Variants in MYO18B observed in about 807,000 individuals in gnomAD.
MYO18B encodes unconventional myosin-XVIIIb.
A neutral mutation model predicts 273.0 loss-of-function variants in MYO18B; 204 were observed. The observed-to-expected ratio is 0.75, with a 90% confidence interval of 0.67 to 0.84. The LOEUF is 0.84. Among genes scored for constraint, MYO18B ranks in the 40% least tolerant of loss-of-function variants. MYO18B has a pLI of 0.00. For missense variants in MYO18B, 3,212 were observed against 3,287.6 expected, an observed-to-expected ratio of 0.98 and a Z score of 0.56; for synonymous variants, 1,330 against 1,305.7, an observed-to-expected ratio of 1.02 and a Z score of -0.40.
chr22:25,777,767 A>T lies in MYO18B; in HGVS notation c.2054A>T (p.Asp685Val). ...EHLVGMAGSV[D>V]GRVSVEKIRA... ...CTGGTGGGGATGGCAGGCAGTGTGG[A>T]TGGCAGGGTCTCAGGTATGGTGGTC... Residue 685 changes from aspartate (D) to valine (V), a missense_variant, in exon 8 of 44, where the codon GAT (aspartate) becomes GTT (valine). Coordinates refer to ENST00000335473, the MANE Select transcript of MYO18B (RefSeq NM_032608.7). 2 of 1,602,088 alleles carry T rather than the reference A, an allele frequency of 1.2e-6. No individual in the cohort carries two copies. The highest frequency in any genetic ancestry group is 1.7e-4 in the Middle Eastern group (1 of 6,000).
At chr22:25,930,737 G>A (rs1045840514) in intron 34 of MYO18B, among the ~76,000 whole-genome samples, 1 of 152,070 alleles carries the variant, frequency 6.6e-6, no homozygotes, top group African/African-American at 2.4e-5. Flanking sequence ...GCGTCCCAAA[G>A]TGCAGGGACT....
rs1555985067 is a variant in MYO18B at position 25,997,970 on chromosome 22, C to CAA, written c.6288-5294_6288-5293insAA. Among the ~76,000 whole-genome samples, 150 of 124,736 alleles carry CAA rather than the reference C, an allele frequency of 1.2e-3. 1 individual carries two copies. Among genetic ancestry groups the CAA allele is most frequent in the Non-Finnish European group, 1.7e-3 (92 of 55,400 alleles). The allele number at this position is 124,736 out of a possible 152,430, so 81.8% of individuals were successfully genotyped here. On this transcript the variant is annotated intron_variant, in intron 40 of 43. Coordinates refer to ENST00000335473, the MANE Select transcript of MYO18B (RefSeq NM_032608.7). ...ACACACACACACAAACACACACACACACACACACGAGAGAGAGAGAGAGAG... is the reference window on the plus strand; with the variant it reads ...ACACACACACACAAACACACACACACAAACACACACGAGAGAGAGAGAGAGAG...
chr22:25,891,369 G>A lies in MYO18B; in HGVS notation c.4500G>A (p.Gln1500=), dbSNP rs141679204. Residue 1500 remains glutamine (Q), a synonymous_variant, in exon 27 of 44, where the codon CAG becomes CAA. Coordinates refer to ENST00000335473, the MANE Select transcript of MYO18B (RefSeq NM_032608.7). Reference sequence around the variant, plus strand: ...ATAAACAGTTGGAAGAAGCCCAGCAGAAAATTCAGTTGAATGACTTGGAAA... The same window carrying A: ...ATAAACAGTTGGAAGAAGCCCAGCAAAAAATTCAGTTGAATGACTTGGAAA... ...DVNKQLEEAQ[Q]KIQLNDLERN... 51 of 1,586,502 alleles carry A rather than the reference G, an allele frequency of 3.2e-5. No homozygotes were observed. In the East Asian group the frequency reaches 1.2e-3, roughly 36 times the overall value.
chr22:25,770,040 C>A (rs57951360), intron 4 of MYO18B, 70 bp from the exon 5 acceptor site: 4 of 1,487,420 alleles, frequency 2.7e-6, no homozygotes, highest in South Asian at 1.1e-5. Context: ...CTGTGAGAAA[C>A]CCCCGTGTAA....
intron 13 of MYO18B, among the ~76,000 whole-genome samples, chr22:25,825,959 A>AT (rs1337674285): frequency 6.6e-6 from 1 of 152,210 alleles, no homozygotes; most frequent in Non-Finnish European, 1.5e-5. Flanking sequence ...GACACTGGCA[A>AT]TTTAAAGGTC....
intron 25 of MYO18B, among the ~76,000 whole-genome samples, chr22:25,890,423 CTTACTA>C (rs1271024115): frequency 6.6e-6 from 1 of 152,218 alleles, no homozygotes; most frequent in Non-Finnish European, 1.5e-5. Context: ...AAACTGAGCA[CTTACTA>C]CGTGCCAGGC....
At chr22:25,987,052 G>C (rs969290081) in intron 39 of MYO18B, among the ~76,000 whole-genome samples, 1 of 152,158 alleles carries the variant, frequency 6.6e-6, no homozygotes, top group African/African-American at 2.4e-5. Context: ...CTGATCTATA[G>C]TGTAAATTGT....
chr22:25,773,525 A>G (rs2086801668), intron 7 of MYO18B, among the ~76,000 whole-genome samples: 1 of 152,068 alleles, frequency 6.6e-6, no homozygotes, highest in East Asian at 1.9e-4. Flanking sequence ...GTGCAGTGGC[A>G]CGATCTCGGC....
At chr22:25,967,690 CAA>C (rs2092994345) in intron 39 of MYO18B, among the ~76,000 whole-genome samples, 2 of 152,046 alleles carry the variant, frequency 1.3e-5, no homozygotes, top group African/African-American at 4.8e-5. Flanking sequence ...GTGACGGAAA[CAA>C]AATTAAATTG....
rs2086844119 is a variant in MYO18B, at chr22:25,774,549, C to T, written c.1869+2039C>T. Among the ~76,000 whole-genome samples the T allele has an allele frequency of 3.3e-5, 5 of 152,334 alleles. No homozygotes were observed. The South Asian group carries it at 1.0e-3, about 32-fold the overall frequency. On this transcript the variant is annotated intron_variant, in intron 7 of 43. Coordinates refer to ENST00000335473, the MANE Select transcript of MYO18B (RefSeq NM_032608.7). ...TTGGTACGCACTCTGAAGGTAGATC[C>T]CCCTACTTCCCTTCCTAACCCTGGG...
chr22:25,908,262 T>G, intron 31 of MYO18B, 60 bp from the exon 32 acceptor site: 2 of 1,318,592 alleles, frequency 1.5e-6, no homozygotes, highest in Non-Finnish European at 2.1e-6. Flanking sequence ...AAGGATGACA[T>G]GGAGGGCTTG....
chr22:26,006,964 T>C (rs543818224), intron 42 of MYO18B, among the ~76,000 whole-genome samples: 8 of 152,344 alleles, frequency 5.3e-5, no homozygotes, highest in South Asian at 2.1e-4. Context: ...ATAGATGGTC[T>C]TACAGCTCCT....
At chr22:25,932,447 C>T (rs550274753) in intron 34 of MYO18B, among the ~76,000 whole-genome samples, 19 of 139,902 alleles carry the variant, frequency 1.4e-4, no homozygotes, top group South Asian at 1.3e-3. Context: ...TTGCTCTTGT[C>T]GCCCAGGCTG....
intron 12 of MYO18B, among the ~76,000 whole-genome samples, chr22:25,816,739 A>G (rs781599289): frequency 2.0e-5 from 3 of 152,168 alleles, no homozygotes; most frequent in Admixed American, 2.0e-4. Context: ...TGACTTTGCC[A>G]ACATCACGCG....
chr22:25,966,048 T>C (rs2092974227), intron 39 of MYO18B, among the ~76,000 whole-genome samples: 1 of 152,216 alleles, frequency 6.6e-6, no homozygotes, highest in South Asian at 2.1e-4. Context: ...ATGTATAAAA[T>C]AGATGCAATC....
the MYO18B span, among the ~76,000 whole-genome samples, chr22:26,050,872 AT>A: frequency 6.6e-6 from 1 of 152,210 alleles, no homozygotes; most frequent in Non-Finnish European, 1.5e-5. Context: ...AATAGGTCCT[AT>A]TTGTAGGATA....
At chr22:25,831,142 G>A (rs73879558) in intron 15 of MYO18B, among the ~76,000 whole-genome samples, 8,900 of 152,104 alleles carry the variant, frequency 0.059, 559 homozygotes, top group African/African-American at 0.16. Context: ...TATGTTGTCC[G>A]TGGATTTTGG....
At chr22:26,054,743 G>A in the MYO18B span, among the ~76,000 whole-genome samples, 9 of 152,218 alleles carry the variant, frequency 5.9e-5, no homozygotes, top group Non-Finnish European at 1.2e-4. Context: ...TTATAGAGAC[G>A]GTTTAATAGA....
chr22:25,998,928 G>T (rs899576689), intron 40 of MYO18B, among the ~76,000 whole-genome samples: 2 of 152,164 alleles, frequency 1.3e-5, no homozygotes, highest in African/African-American at 4.8e-5. Context: ...CATATATCCA[G>T]CTAGTAGGAT....
Sources: gnomAD v4.1 joint callset for allele counts (sites outside exome capture counted in the v4.1 genomes callset) on GRCh38, gnomAD v4.1.1 for gene constraint, MANE v1.5 for transcripts, NCBI Gene and HGNC (gene_info 2026-07-23, HGNC 2026-07-21) for gene names.